DCAF6: variants seen among roughly 807,000 people sequenced by gnomAD.
DCAF6 encodes DDB1- and CUL4-associated factor 6.
A neutral mutation model predicts 125.1 loss-of-function variants in DCAF6; 54 were observed. The observed-to-expected ratio is 0.43, with a 90% CI of 0.35 to 0.54. The LOEUF (loss-of-function observed/expected upper bound fraction) is 0.54, where lower values mean the gene tolerates loss of function less well. DCAF6 is among the 20% of genes least tolerant of loss of function. The probability of loss-of-function intolerance (pLI) is 0.01; values close to 1 mark genes in which losing one functional copy is unlikely to be tolerated. For synonymous variants in DCAF6, 371 were observed against 390.4 expected, an observed-to-expected ratio of 0.95 and a Z score of 0.58; for missense variants, 934 against 1,161.7, an observed-to-expected ratio of 0.80 and a Z score of 2.85.
chr1:168,003,099 A>G (rs1268350532), intron 8 of DCAF6, among the ~76,000 whole-genome samples: 2 of 152,126 alleles, frequency 1.3e-5, no homozygotes, highest in African/African-American at 4.8e-5. Flanking sequence ...TCTTACTATA[A>G]TGACTTCTGA....
chr1:168,017,213 A>C (rs1685094941), intron 11 of DCAF6, among the ~76,000 whole-genome samples: 1 of 151,684 alleles, frequency 6.6e-6, no homozygotes, highest in Non-Finnish European at 1.5e-5. Flanking sequence ...ACATTTAATA[A>C]TAAAACATTT....
chr1:167,957,836 G>A (rs1035554335), intron 2 of DCAF6, among the ~76,000 whole-genome samples: 3 of 152,144 alleles, frequency 2.0e-5, no homozygotes, highest in Non-Finnish European at 4.4e-5. Flanking sequence ...CCTAGTGGAT[G>A]TGAAGTGGTA....
intron 2 of DCAF6, among the ~76,000 whole-genome samples, chr1:167,960,590 G>A (rs370155257): frequency 6.6e-6 from 1 of 152,210 alleles, no homozygotes; most frequent in East Asian, 1.9e-4. Flanking sequence ...GCACTTTATA[G>A]TAAGTCTTGA....
chr1:167,904,220 T>G, the DCAF6 span, among the ~76,000 whole-genome samples: 1 of 151,726 alleles, frequency 6.6e-6, no homozygotes, highest in African/African-American at 2.4e-5. Flanking sequence ...TCCGAGCAGC[T>G]GGGACTATAA....
intron 7 of DCAF6, among the ~76,000 whole-genome samples, chr1:167,999,222 A>G (rs752903482): frequency 2.0e-5 from 3 of 152,202 alleles, no homozygotes; most frequent in Admixed American, 6.5e-5. Context: ...AGGTCTCAAT[A>G]GTGGGCTTCA....
At chr1:167,923,129 A>C in the DCAF6 span, among the ~76,000 whole-genome samples, 3 of 152,206 alleles carry the variant, frequency 2.0e-5, no homozygotes, top group Admixed American at 2.0e-4. Flanking sequence ...AAAATAATGT[A>C]GTTGCTGAGG....
intron 4 of DCAF6, among the ~76,000 whole-genome samples, chr1:167,977,789 T>C (rs1678480899): frequency 6.6e-6 from 1 of 152,142 alleles, no homozygotes; most frequent in African/African-American, 2.4e-5. Flanking sequence ...AAAATTGAAA[T>C]ATAGAACATA....
intron 1 of DCAF6, among the ~76,000 whole-genome samples, chr1:167,944,838 T>C (rs1182224533): frequency 6.6e-6 from 1 of 152,226 alleles, no homozygotes; most frequent in Non-Finnish European, 1.5e-5. Context: ...TTTTCTAGTA[T>C]CTTTATAGTT....
chr1:167,887,607 A>G, the DCAF6 span, among the ~76,000 whole-genome samples: 1 of 152,168 alleles, frequency 6.6e-6, no homozygotes, highest in African/African-American at 2.4e-5. Flanking sequence ...AGATGAGTTA[A>G]TGGGTGCAGC....
At chr1:168,027,415 C>G (rs1041692884) in intron 12 of DCAF6, among the ~76,000 whole-genome samples, 13 of 152,044 alleles carry the variant, frequency 8.6e-5, no homozygotes, top group African/African-American at 3.1e-4. Flanking sequence ...GATTCTTGTT[C>G]TCAGTTTTAC....
At chr1:167,973,610 A>G (rs577797085) in intron 3 of DCAF6, among the ~76,000 whole-genome samples, 4 of 152,260 alleles carry the variant, frequency 2.6e-5, no homozygotes, top group East Asian at 1.9e-4. Flanking sequence ...TCAGTGTTTT[A>G]TAGTCAATCA....
intron 17 of DCAF6, among the ~76,000 whole-genome samples, chr1:168,060,752 TGTG>T (rs1229327505): frequency 6.6e-6 from 1 of 151,920 alleles, no homozygotes; most frequent in Non-Finnish European, 1.5e-5. Flanking sequence ...ATTAGCCAGA[TGTG>T]GTGGAGGCCT....
the DCAF6 span, chr1:167,899,541 A>G: frequency 6.2e-7 from 1 of 1,614,238 alleles, no homozygotes; most frequent in South Asian, 1.1e-5. Context: ...GGCAAGGCGC[A>G]CATCGTCCAC....
intron 16 of DCAF6, 147 bp downstream of exon 16, chr1:168,045,374 T>A: frequency 4.1e-6 from 3 of 731,800 alleles, no homozygotes; most frequent in Non-Finnish European, 6.5e-6. Context: ...CTTTACAGTT[T>A]ACTGTAAATG....
intron 12 of DCAF6, among the ~76,000 whole-genome samples, chr1:168,031,193 A>G (rs777552501): frequency 6.6e-6 from 1 of 151,504 alleles, no homozygotes; most frequent in Non-Finnish European, 1.5e-5. Flanking sequence ...AAGTAGAAAG[A>G]AGAGGACAGA....
intron 8 of DCAF6, among the ~76,000 whole-genome samples, 165 bp downstream of exon 8, chr1:168,002,740 C>T (rs1053509345): frequency 1.3e-5 from 2 of 152,060 alleles, no homozygotes; most frequent in Non-Finnish European, 2.9e-5. Context: ...AGTGGAATGG[C>T]GCAGTCACTG....
At chr1:167,902,114 T>A in the DCAF6 span, 2 of 1,491,792 alleles carry the variant, frequency 1.3e-6, no homozygotes. Context: ...TAAAAAAACA[T>A]CATTCTTTCT....
chr1:168,007,429 TAGATGCTC>T (rs1267536719), intron 10 of DCAF6, among the ~76,000 whole-genome samples: 14 of 152,336 alleles, frequency 9.2e-5, no homozygotes, highest in African/African-American at 3.1e-4. Flanking sequence ...GAGTTGTTGA[TAGATGCTC>T]TCTCCATTTT....
chr1:167,913,490 T>C, the DCAF6 span, among the ~76,000 whole-genome samples: 28 of 152,354 alleles, frequency 1.8e-4, no homozygotes, highest in East Asian at 5.4e-3. Context: ...ATTTTTCTTC[T>C]GAGCTATTGT....
Sources: allele counts gnomAD v4.1 joint callset (sites outside exome capture counted in the v4.1 genomes callset), GRCh38; gene constraint gnomAD v4.1.1; transcripts MANE v1.5; gene names NCBI Gene and HGNC (gene_info 2026-07-23, HGNC 2026-07-21).